COL9A3: variants seen among roughly 807,000 people sequenced by gnomAD.
COL9A3 encodes the protein collagen type IX alpha 3 chain.
In COL9A3, 82 loss-of-function variants were observed where a neutral mutation model predicts 110.2. The ratio of observed to expected loss-of-function variants is 0.74; its 90% CI spans 0.62 to 0.89. The LOEUF (loss-of-function observed/expected upper bound fraction) is 0.89. COL9A3 is among the 40% of genes least tolerant of loss of function. COL9A3 has a pLI of 0.00. For synonymous variants in COL9A3, 494 were observed against 403.8 expected, an observed-to-expected ratio of 1.22 and a Z score of -2.68; for missense variants, 1,066 against 981.3, an observed-to-expected ratio of 1.09 and a Z score of -1.15.
At chr20:62,835,244 ATGTG>A (rs2063626119) in intron 26 of COL9A3, among the ~76,000 whole-genome samples, 1 of 152,194 alleles carries the variant, frequency 6.6e-6, no homozygotes, top group Non-Finnish European at 1.5e-5. Flanking sequence ...AAAGAGATCC[ATGTG>A]GCTCCTAGTT....
At chr20:62,828,263 C>T (rs912975768) in intron 17 of COL9A3, among the ~76,000 whole-genome samples, 6 of 152,202 alleles carry the variant, frequency 3.9e-5, no homozygotes, top group Admixed American at 1.3e-4. Context: ...CCCAGGGTCC[C>T]GGGCACCCAT....
intron 30 of COL9A3, among the ~76,000 whole-genome samples, chr20:62,838,397 A>G (rs1298059012): frequency 6.6e-6 from 1 of 152,104 alleles, no homozygotes; most frequent in Non-Finnish European, 1.5e-5. Flanking sequence ...ACATCCAAAC[A>G]CGGGAAAGGA....
chr20:62,841,022 A>C lies in COL9A3; in HGVS notation c.*290A>C. ...CAACTCCACGAGGTGAAAAATATTC[A>C]GTAACTTGTTTACATAGCATTTGTG... On this transcript the variant is annotated 3_prime_UTR_variant, in exon 32 of 32. Transcript: ENST00000649368. 1 of 418,014 alleles carries C rather than the reference A, an allele frequency of 2.4e-6. No homozygotes were observed. The highest frequency in any genetic ancestry group is 2.5e-5 in the South Asian group (1 of 39,966). The allele number at this position is 418,014 out of a possible 1,614,324, so 25.9% of individuals were successfully genotyped here. A position where few individuals can be genotyped will look rare whatever the true frequency, so the allele number is the denominator to read the frequency against.
In COL9A3 at chr20:62,817,136, G is replaced by A. The variant is rs777240987; in HGVS notation, c.72G>A (p.Gly24=). 8 of 1,396,446 alleles carry A rather than the reference G, an allele frequency of 5.7e-6. No homozygotes were observed. The Admixed American group carries it at 1.5e-4, about 27-fold the overall frequency. 86.5% of individuals were successfully genotyped at this position (1,396,446 alleles called of 1,614,324 possible). A position where few individuals can be genotyped will look rare whatever the true frequency, so the allele number is the denominator to read the frequency against. Residue 24 remains glycine, a synonymous_variant, in exon 1 of 32, where the codon GGG becomes GGA. Transcript: ENST00000649368. The part of the protein sequence containing the change: ...LLLGELLAAA[G]AQRVGLPGPP... ...TCGGGGAGCTTCTGGCGGCCGCCGG[G>A]GCGCAGGTGAGCGCGAGCTCCGGGC...
At chr20:62,832,834 C>T in intron 25 of COL9A3, 186 bp from the exon 26 acceptor site, 1 of 459,764 alleles carries the variant, frequency 2.2e-6, no homozygotes, top group South Asian at 3.0e-5. Flanking sequence ...GGCCCCGCCC[C>T]TGCCTGCAGG....
rs374818059 is a variant in COL9A3 at position 62,821,540 on chromosome 20, G to A, written c.369+10G>A. On this transcript the variant is annotated intron_variant, in intron 7 of 31. Coordinates refer to ENST00000649368, the MANE Select transcript of COL9A3 (RefSeq NM_001853.4). Reference sequence around the variant, plus strand: ...CCTCCCTGGACCCCCCGTGAGTACTGACAACCCTTGGGGCCCTGAGCAAGC... The same window carrying A: ...CCTCCCTGGACCCCCCGTGAGTACTAACAACCCTTGGGGCCCTGAGCAAGC... 3.7e-6 allele frequency: 6 copies of A among 1,612,646 alleles called. No homozygotes were observed. In the African/African-American group the frequency reaches 8.0e-5, roughly 22 times the overall value.
intron 1 of COL9A3, 176 bp downstream of exon 1, chr20:62,817,318 C>T (rs1990960818): frequency 2.0e-6 from 1 of 506,906 alleles, no homozygotes; most frequent in Non-Finnish European, 3.2e-6. Flanking sequence ...CTCGATGGGT[C>T]CTCGCTGGCC....
intron 2 of COL9A3, 124 bp from the exon 3 acceptor site, chr20:62,818,394 C>T: frequency 2.1e-6 from 2 of 965,728 alleles, no homozygotes; most frequent in Non-Finnish European, 3.3e-6. Flanking sequence ...TCAGGGGCCC[C>T]TTTTGTCTGC....
intron 2 of COL9A3, 59 bp from the exon 3 acceptor site, chr20:62,818,459 G>C: frequency 6.6e-7 from 1 of 1,514,080 alleles, no homozygotes; most frequent in Non-Finnish European, 9.2e-7. Flanking sequence ...TTTCCCCGAG[G>C]CGGGGTTCTT....
rs28578314 is a variant in COL9A3, at chr20:62,840,416, G to C, written c.1865-126G>C. Reference sequence around the variant, plus strand: ...TGCCGTTCCCTCGGCCTCCCCACCCGCTGTGGCCTCTCCCCAAGTGAAGAG... The same window carrying C: ...TGCCGTTCCCTCGGCCTCCCCACCCCCTGTGGCCTCTCCCCAAGTGAAGAG... On this transcript the variant is annotated intron_variant, in intron 31 of 31. Coordinates refer to ENST00000649368, the MANE Select transcript of COL9A3 (RefSeq NM_001853.4). 0.16 allele frequency: 147,684 copies of C among 921,534 alleles called. 13,518 individuals are homozygous for C. The highest frequency in any genetic ancestry group is 0.19 in the Non-Finnish European group (109,020 of 566,426). The allele number at this position is 921,534 out of a possible 1,614,324, so 57.1% of individuals were successfully genotyped here. A position where few individuals can be genotyped will look rare whatever the true frequency, so the allele number is the denominator to read the frequency against.
chr20:62,822,684 G>A (rs555417746), intron 10 of COL9A3, 52 bp downstream of exon 10: 9 of 1,589,166 alleles, frequency 5.7e-6, no homozygotes, highest in East Asian at 2.2e-5. Flanking sequence ...CTACCTTGGG[G>A]GGAGGGGTTC....
In COL9A3 at chr20:62,828,356, G is replaced by A. The variant is rs1388011610; in HGVS notation, c.900+380G>A. 7.9e-5 allele frequency among the ~76,000 whole-genome samples: 12 copies of A among 152,216 alleles called. No homozygotes were observed. In the East Asian group the frequency reaches 1.9e-3, roughly 24 times the overall value. On this transcript the variant is annotated intron_variant, in intron 17 of 31. Transcript: ENST00000649368. ...TAGCCCCTCGTGTTGCCTCTGCCCC[G>A]GAGTAGTGCCCTGTCTTGGGACACC...
Position 62,837,231 on chromosome 20 carries a change from T to C in COL9A3, c.1752T>C (p.Gly584=), listed in dbSNP as rs747219216. Residue 584 remains glycine (G), a synonymous_variant, in exon 30 of 32, where the codon GGT becomes GGC. Transcript: ENST00000649368. The stretch of plus-strand genomic sequence containing the variant: ...CTCGAGGACCCCCTGGATACCGCGG[T>C]CCCACTGGGGAGCTGGGAGACCCCG... ...PGARGPPGYR[G]PTGELGDPGP... 2.5e-6 allele frequency: 4 copies of C among 1,611,698 alleles called. No homozygotes were observed. In the South Asian group the frequency reaches 4.4e-5, roughly 18 times the overall value.
At chr20:62,829,560 C>CT in intron 20 of COL9A3, 61 bp downstream of exon 20, 2 of 1,551,192 alleles carry the variant, frequency 1.3e-6, no homozygotes, top group Non-Finnish European at 1.8e-6. Flanking sequence ...AGGCAAGGGG[C>CT]TGGGGGGCCA....
At chr20:62,827,999 G>T in intron 17 of COL9A3, 23 bp downstream of exon 17, 1 of 1,612,528 alleles carries the variant, frequency 6.2e-7, no homozygotes, top group Non-Finnish European at 8.5e-7. Context: ...GGCTGCTCAT[G>T]GAATGCTCCT....
rs577136392 is a variant in COL9A3 at position 62,832,581 on chromosome 20, C to T, written c.1323+392C>T. 8.3e-4 allele frequency among the ~76,000 whole-genome samples: 127 copies of T among 152,356 alleles called. 1 individual carries two copies. The highest frequency in any genetic ancestry group is 6.8e-3 in the Middle Eastern group (2 of 294). The stretch of plus-strand genomic sequence containing the variant: ...GACAGAGGGCAGGGGCTAGGCTCTG[C>T]GTGTGTGTTTTGCAGGCAGATTCGA... On this transcript the variant is annotated intron_variant, in intron 25 of 31. Transcript: ENST00000649368.
chr20:62,833,198 G>A (rs2063609902), intron 26 of COL9A3, 134 bp downstream of exon 26: 7 of 778,918 alleles, frequency 9.0e-6, no homozygotes, highest in Non-Finnish European at 1.6e-5. Flanking sequence ...TGGGCAGCGT[G>A]GGGATGGAGC....
Position 62,827,241 on chromosome 20 carries a change from G to A in COL9A3, c.793G>A (p.Gly265Ser), listed in dbSNP as rs1187499975. ...PGIPGAPGKAGDRGERGPEGF... is the reference protein window; with the variant it reads ...PGIPGAPGKASDRGERGPEGF... ...CCCTGCCCCACCTCATCCTTTCCAG[G>A]GTGACCGAGGCGAGAGGGGCCCAGA... The change falls in exon 16 of 32, where the codon GGT becomes AGT. Residue 265 changes from glycine (G) to serine (S), a missense_variant and splice_region_variant. By Grantham distance (56) the Gly-to-Ser change is moderately conservative (BLOSUM62 0). Transcript: ENST00000649368. The A allele has an allele frequency of 6.8e-6, 11 of 1,613,152 alleles. No individual in the cohort carries two copies. The highest frequency in any genetic ancestry group is 8.5e-6 in the Non-Finnish European group (10 of 1,179,960).
Position 62,829,786 on chromosome 20 carries a change from G to A in COL9A3, c.1128G>A (p.Gly376=). Residue 376 remains glycine, a synonymous_variant, in exon 22 of 32, where the codon GGG becomes GGA. Coordinates refer to ENST00000649368, the MANE Select transcript of COL9A3 (RefSeq NM_001853.4). ...TGTAGGGAGATGCTGGCATGCCTGG[G>A]GAGCGCGGTGAGGCTGGCCACCGGG... ...PGVPGDAGMP[G]ERGEAGHRGS... 6.3e-7 allele frequency: 1 copy of A among 1,586,830 alleles called. No individual in the cohort carries two copies. The highest frequency in any genetic ancestry group is 8.6e-7 in the Non-Finnish European group (1 of 1,167,044).
Sources: allele counts gnomAD v4.1 joint callset (sites outside exome capture counted in the v4.1 genomes callset), GRCh38; gene constraint gnomAD v4.1.1; transcripts MANE v1.5; gene names NCBI Gene and HGNC (gene_info 2026-07-23, HGNC 2026-07-21).